The following TCTN3 variants were observed in gnomAD, a reference collection of about 807,000 sequenced individuals.
TCTN3 encodes the protein tectonic-3.
A neutral mutation model predicts 71.3 loss-of-function variants in TCTN3; 57 were observed. The ratio of observed to expected loss-of-function variants is 0.80; its 90% confidence interval spans 0.65 to 1.00. The LOEUF (loss-of-function observed/expected upper bound fraction) is 1.00. TCTN3 is among the 50% of genes least tolerant of loss of function. TCTN3 has a pLI of 0.00. For missense variants in TCTN3, 696 were observed against 719.9 expected (o/e 0.97, Z 0.38); for synonymous variants, 258 against 267.8 (o/e 0.96, Z 0.36).
chr10:95,673,121 C>T (rs1443459860), intron 13 of TCTN3, among the ~76,000 whole-genome samples: 2 of 152,138 alleles, frequency 1.3e-5, no homozygotes, highest in East Asian at 3.8e-4. Context: ...CTTTTTCTCC[C>T]AAACTAGCCT....
intron 10 of TCTN3, 136 bp downstream of exon 10, chr10:95,683,386 C>T (rs753287877): frequency 1.3e-6 from 2 of 1,528,698 alleles, no homozygotes; most frequent in Non-Finnish European, 1.8e-6. Context: ...AAATGATTAA[C>T]CATATATTAG....
rs2097943956 is a variant in TCTN3 at position 95,682,471 on chromosome 10, G to A, written c.1452+180C>T. Reference sequence around the variant, plus strand: ...ATCATGCCACCACACTCGAGCCAGGGCAACACAGTGAGACTCCATCTCAAA... The same window carrying A: ...ATCATGCCACCACACTCGAGCCAGGACAACACAGTGAGACTCCATCTCAAA... On this transcript the variant is annotated intron_variant, in intron 12 of 13. Transcript: ENST00000371217. 4.6e-5 allele frequency among the ~76,000 whole-genome samples: 7 copies of A among 151,806 alleles called. No individual in the cohort carries two copies. In the South Asian group the frequency reaches 1.5e-3, roughly 32 times the overall value.
At chr10:95,689,516 C>T (rs951418) in intron 3 of TCTN3, among the ~76,000 whole-genome samples, 127,951 of 152,214 alleles carry the variant, frequency 0.84, 54,333 homozygotes, top group Non-Finnish European at 0.91. Flanking sequence ...TGTATCTTTA[C>T]ACATGAAATA....
chr10:95,691,645 G>A (rs949502942), intron 3 of TCTN3, among the ~76,000 whole-genome samples: 18 of 152,094 alleles, frequency 1.2e-4, no homozygotes, highest in Non-Finnish European at 2.4e-4. Context: ...TGACTTCCAG[G>A]ATGCAAGAGA....
At chr10:95,684,387 A>C (rs2097946191) in intron 9 of TCTN3, 112 bp downstream of exon 9, 2 of 1,388,926 alleles carry the variant, frequency 1.4e-6, no homozygotes, top group Admixed American at 2.4e-5. Context: ...CGACAGACTG[A>C]ACTAGGCCTT....
At chr10:95,673,689 A>C (rs550104109) in intron 13 of TCTN3, among the ~76,000 whole-genome samples, 6 of 152,210 alleles carry the variant, frequency 3.9e-5, no homozygotes, top group Non-Finnish European at 5.9e-5. Context: ...CAAAATATTA[A>C]ATAGTTGGGC....
At position 95,687,128 on chromosome 10, in the gene TCTN3, A is replaced by G. The variant is rs545216700; in HGVS notation, c.768T>C (p.Thr256=). The change falls in exon 6 of 14, where the codon ACT becomes ACC. Residue 256 remains threonine (T), a synonymous_variant. Transcript: ENST00000371217. ...GFLESKSTTC[T]RFFKNLASSC... ...TACTAGCCAGGTTCTTGAAAAAACG[A>G]GTGCAAGTTGTACTTTTACTCTCTA... 1 of 1,614,222 alleles carries G rather than the reference A, an allele frequency of 6.2e-7. No homozygotes were observed. Among genetic ancestry groups the G allele is most frequent in the East Asian group, 2.2e-5 (1 of 44,888 alleles).
chr10:95,668,168 A>G (rs2097927393), intron 13 of TCTN3, among the ~76,000 whole-genome samples: 1 of 151,908 alleles, frequency 6.6e-6, no homozygotes, highest in Non-Finnish European at 1.5e-5. Context: ...TTTTTTAGGA[A>G]GAACAAAAAG....
Position 95,687,030 on chromosome 10 carries a change from G to T in TCTN3, c.852+14C>A, listed in dbSNP as rs1392766951. On this transcript the variant is annotated intron_variant, in intron 6 of 13. Coordinates refer to ENST00000371217, the MANE Select transcript of TCTN3 (RefSeq NM_015631.6). ...TCATAGTAGTGACAGTGTAGGGAGA[G>T]AAAGGACACCTACCTTTAAGACTGT... 4 of 1,595,434 alleles carry T rather than the reference G, an allele frequency of 2.5e-6. No individual in the cohort carries two copies. The African/African-American group carries it at 4.0e-5, about 16-fold the overall frequency.
rs1363846868 is a variant in TCTN3, at chr10:95,684,378, G to A, written c.1095+121C>T. The A allele has an allele frequency of 7.1e-6, 9 of 1,274,858 alleles. No homozygotes were observed. In the South Asian group the frequency reaches 8.3e-5, roughly 12 times the overall value. 79.0% of individuals were successfully genotyped at this position (1,274,858 alleles called of 1,614,324 possible). A position where few individuals can be genotyped will look rare whatever the true frequency, so the allele number is the denominator to read the frequency against. The stretch of plus-strand genomic sequence containing the variant: ...AATATTAAATGTTGAGGCCTCAATC[G>A]ACAGACTGAACTAGGCCTTCATATT... On this transcript the variant is annotated intron_variant, in intron 9 of 13. Coordinates refer to ENST00000371217, the MANE Select transcript of TCTN3 (RefSeq NM_015631.6).
Position 95,687,326 on chromosome 10 carries a change from G to A in TCTN3, c.657C>T (p.Pro219=). ...RAGDPILTYF[P]KWSVISLLRQ... ...TCAGCAAGCTTATTACAGACCACTTGGGGAAGTAAGTAAGAATGGGGTCCC... is the reference window on the plus strand; with the variant it reads ...TCAGCAAGCTTATTACAGACCACTTAGGGAAGTAAGTAAGAATGGGGTCCC... The change falls in exon 5 of 14, where the codon CCC becomes CCT. Residue 219 remains proline, a synonymous_variant. Coordinates refer to ENST00000371217, the MANE Select transcript of TCTN3 (RefSeq NM_015631.6). The A allele has an allele frequency of 6.2e-7, 1 of 1,613,928 alleles. No homozygotes were observed. The highest frequency in any genetic ancestry group is 8.5e-7 in the Non-Finnish European group (1 of 1,179,958).
At position 95,693,004 on chromosome 10, in the gene TCTN3, T is replaced by C. The variant is rs2097955007; in HGVS notation, c.415A>G (p.Ile139Val). ...GGAAACGGGGAATTACTCCTGAAGA[T>C]AACAGAGTTGTCTACACAAACCCAG... ...SSWVCVDNSV[I>V]FRSNSPFPSR... Residue 139 changes from isoleucine to valine, a missense_variant, in exon 3 of 14, where the codon ATC becomes GTC. Physicochemically the swap from Ile to Val is conservative, Grantham distance 29. Coordinates refer to ENST00000371217, the MANE Select transcript of TCTN3 (RefSeq NM_015631.6). The C allele has an allele frequency of 1.9e-6, 3 of 1,613,904 alleles. No individual in the cohort carries two copies. Among genetic ancestry groups the C allele is most frequent in the Non-Finnish European group, 2.5e-6 (3 of 1,179,834 alleles).
In TCTN3 at chr10:95,693,744, C is replaced by T. The variant is rs1424247342; in HGVS notation, c.156G>A (p.Glu52=). 3 of 1,551,704 alleles carry T rather than the reference C, an allele frequency of 1.9e-6. No homozygotes were observed. Among genetic ancestry groups the T allele is most frequent in the Middle Eastern group, 1.7e-4 (1 of 5,992 alleles). Reference sequence around the variant, plus strand: ...GCACGGCCGGGCGAGTTGCAGTCGCCTCTGAAGGGGACTGGAGGGTTCCGC... The same window carrying T: ...GCACGGCCGGGCGAGTTGCAGTCGCTTCTGAAGGGGACTGGAGGGTTCCGC... The part of the protein sequence containing the change: ...TDGGTLQSPS[E]ATATRPAVPG... Residue 52 remains glutamate, a synonymous_variant, in exon 1 of 14, where the codon GAG becomes GAA. Coordinates refer to ENST00000371217, the MANE Select transcript of TCTN3 (RefSeq NM_015631.6).
At chr10:95,683,964 A>T (rs535498914) in intron 9 of TCTN3, among the ~76,000 whole-genome samples, 2 of 5,340 alleles carry the variant, frequency 3.7e-4, no homozygotes, top group East Asian at 5.0e-3. Flanking sequence ...AAATGTAATT[A>T]AAAAATATAT....
In TCTN3 at chr10:95,687,591, C is replaced by T. The variant is rs1566074908; in HGVS notation, c.627+1G>A. On this transcript the variant is annotated splice_donor_variant, in intron 4 of 13. Transcript: ENST00000371217. LOFTEE classifies it high-confidence loss of function. ...AATCCCATCCCCTTCCCCAGGCTCA[C>T]CCTGTAAAAAGATGGTGGTGATTGA... 4 of 1,612,728 alleles carry T rather than the reference C, an allele frequency of 2.5e-6. No homozygotes were observed. Among genetic ancestry groups the T allele is most frequent in the Non-Finnish European group, 3.4e-6 (4 of 1,179,756 alleles).
At chr10:95,668,590 A>G (rs1213688286) in intron 13 of TCTN3, among the ~76,000 whole-genome samples, 1 of 152,222 alleles carries the variant, frequency 6.6e-6, no homozygotes, top group Non-Finnish European at 1.5e-5. Flanking sequence ...ATGATTGAAT[A>G]AAGATATTTT....
rs767539312 is a variant in TCTN3 at position 95,680,522 on chromosome 10, G to C, written c.1540C>G (p.Gln514Glu). The change falls in exon 13 of 14, where the codon CAA (glutamine) becomes GAA (glutamate). Residue 514 changes from glutamine (Q) to glutamate (E), a missense_variant. Gln to Glu is a conservative substitution (Grantham distance 29). Transcript: ENST00000371217. ...WAYVGLLSNPQAHVSGVRFLY... is the reference protein window; with the variant it reads ...WAYVGLLSNPEAHVSGVRFLY... ...AATCGAACTCCTGATACATGAGCTT[G>C]CGGGTTGGACAGGAGACCTACATAT... 6.2e-6 allele frequency: 10 copies of C among 1,614,166 alleles called. No homozygotes were observed. Among genetic ancestry groups the C allele is most frequent in the Non-Finnish European group, 7.6e-6 (9 of 1,180,014 alleles).
chr10:95,682,742 G>C lies in TCTN3; in HGVS notation c.1361C>G (p.Pro454Arg), dbSNP rs1462507553. ...AAAGATGGCAACATACTCTGGTCTG[G>C]GCCTTCCATGAAGAGTCTGATAAAT... ...QEIYQTLHGR[P>R]RPEYVAIFGN... is the part of the protein sequence containing the mutation. The change falls in exon 12 of 14, where the codon CCC becomes CGC. Residue 454 changes from proline (P) to arginine (R), a missense_variant. Pro to Arg is a moderately radical substitution (Grantham distance 103). Coordinates refer to ENST00000371217, the MANE Select transcript of TCTN3 (RefSeq NM_015631.6). The C allele has an allele frequency of 2.5e-6, 4 of 1,614,100 alleles. No individual in the cohort carries two copies. In the African/African-American group the frequency reaches 5.3e-5, roughly 22 times the overall value.
Position 95,686,509 on chromosome 10 carries a change from G to A in TCTN3, c.874C>T (p.Pro292Ser). The change falls in exon 7 of 14, where the codon CCA (proline) becomes TCA (serine). Residue 292 changes from proline (P) to serine (S), a missense_variant. Transcript: ENST00000371217. ...CAGCATCATACCTCCATATTCTGTG[G>A]ATCAGTCATGCTTCTTGGAACCTAG... Reference protein sequence around the residue: ...VLKVPRSMTDPQNMEFQVPVI... With the variant: ...VLKVPRSMTDSQNMEFQVPVI... The A allele has an allele frequency of 6.2e-7, 1 of 1,614,006 alleles. No individual in the cohort carries two copies. Among genetic ancestry groups the A allele is most frequent in the Non-Finnish European group, 8.5e-7 (1 of 1,179,974 alleles).
Sources: gnomAD v4.1 joint callset for allele counts (sites outside exome capture counted in the v4.1 genomes callset) on GRCh38, gnomAD v4.1.1 for gene constraint, MANE v1.5 for transcripts, NCBI Gene and HGNC (gene_info 2026-07-23, HGNC 2026-07-21) for gene names.